Variants in KIF1A observed in about 807,000 individuals in gnomAD.
The protein encoded by KIF1A is kinesin-like protein KIF1A.
In KIF1A, 46 loss-of-function variants were observed where a neutral mutation model predicts 227.3. The observed-to-expected ratio is 0.20, with a 90% CI of 0.16 to 0.26. The LOEUF (loss-of-function observed/expected upper bound fraction) is 0.26, where lower values mean the gene tolerates loss of function less well. KIF1A is among the 10% of genes least tolerant of loss of function. The pLI, the probability that KIF1A is intolerant of heterozygous loss-of-function variation, is 1.00. For synonymous variants in KIF1A, 1,022 were observed against 1,012.8 expected (o/e 1.01, Z -0.17); for missense variants, 1,683 against 2,485.9 (o/e 0.68, Z 6.87).
At position 240,714,619 on chromosome 2, in the gene KIF1A, C is replaced by T. The variant is rs1172250677; in HGVS notation, c.*2745G>A. On this transcript the variant is annotated 3_prime_UTR_variant, in exon 49 of 49. Coordinates refer to ENST00000498729, the MANE Select transcript of KIF1A (RefSeq NM_001244008.2). ...ACCCCATGAGCACCTCCACACCAGC[C>T]CTCCACCTCACAGATGTGGAAACCG... The T allele has an allele frequency of 6.6e-6, 1 of 152,336 alleles. No homozygotes were observed. 9.4% of individuals were successfully genotyped at this position (152,336 alleles called of 1,614,324 possible). A position where few individuals can be genotyped will look rare whatever the true frequency, so the allele number is the denominator to read the frequency against.
rs909200779 is a variant in KIF1A, at chr2:240,778,457, C to T, written c.883-2531G>A. ...ACGGCTCCCCACGGGAGGCCTCACA[C>T]GATCCTCCATTTCTCAGAGCTCTCA... On this transcript the variant is annotated intron_variant, in intron 10 of 48. Coordinates refer to ENST00000498729, the MANE Select transcript of KIF1A (RefSeq NM_001244008.2). This position sits in a 1 kb window ranked among gnomAD's most constrained non-coding sequence, Gnocchi z 7.2. Among the ~76,000 whole-genome samples the T allele has an allele frequency of 9.3e-5, 14 of 151,106 alleles. No individual in the cohort carries two copies. Among genetic ancestry groups the T allele is most frequent in the African/African-American group, 2.9e-4 (12 of 40,862 alleles).
At position 240,722,676 on chromosome 2, in the gene KIF1A, C is replaced by G; in HGVS notation, c.4465-20G>C. On this transcript the variant is annotated intron_variant, in intron 42 of 48. Transcript: ENST00000498729. Reference sequence around the variant, plus strand: ...CTCCACCTTCAGACAGGACACAAGGCCTTACCTGCTGCACCTCAGGGGTGA... The same window carrying G: ...CTCCACCTTCAGACAGGACACAAGGGCTTACCTGCTGCACCTCAGGGGTGA... The G allele has an allele frequency of 6.7e-7, 1 of 1,486,000 alleles. No individual in the cohort carries two copies. Among genetic ancestry groups the G allele is most frequent in the Non-Finnish European group, 9.0e-7 (1 of 1,112,200 alleles). The allele number at this position is 1,486,000 out of a possible 1,614,324, so 92.1% of individuals were successfully genotyped here. A position where few individuals can be genotyped will look rare whatever the true frequency, so the allele number is the denominator to read the frequency against.
intron 27 of KIF1A, among the ~76,000 whole-genome samples, chr2:240,756,712 A>C (rs1265685103): frequency 6.6e-6 from 1 of 152,072 alleles, no homozygotes; most frequent in East Asian, 1.9e-4. Flanking sequence ...GCTGCCTCCC[A>C]CTCCTAAAAG....
intron 2 of KIF1A, among the ~76,000 whole-genome samples, chr2:240,791,296 C>T (rs2055642629): frequency 6.6e-6 from 1 of 152,166 alleles, no homozygotes. Context: ...GCAGCGCCTT[C>T]CCTAGCACAG....
intron 10 of KIF1A, among the ~76,000 whole-genome samples, chr2:240,780,798 CCACACACACACACACA>C (rs534367981): frequency 5.2e-4 from 18 of 34,854 alleles, no homozygotes; most frequent in Admixed American, 9.8e-4. Context: ...ACACACAGCT[CCACACACACACACACA>C]CACACACACA....
rs573357958 is a variant in KIF1A, at chr2:240,717,238, C to G, written c.*126G>C. ...AGGTCCCCGGGCCTGGCATGGGCGTCCCCTGGGGGGTCGACCCGGTCGTGG... is the reference window on the plus strand; with the variant it reads ...AGGTCCCCGGGCCTGGCATGGGCGTGCCCTGGGGGGTCGACCCGGTCGTGG... On this transcript the variant is annotated 3_prime_UTR_variant, in exon 49 of 49. Transcript: ENST00000498729. 1.2e-5 allele frequency: 11 copies of G among 891,312 alleles called. No homozygotes were observed. In the East Asian group the frequency reaches 2.7e-4, roughly 22 times the overall value. The allele number at this position is 891,312 out of a possible 1,614,324, so 55.2% of individuals were successfully genotyped here.
intron 4 of KIF1A, among the ~76,000 whole-genome samples, chr2:240,787,712 G>A (rs76012660): frequency 0.018 from 2,669 of 152,246 alleles, 26 homozygotes; most frequent in Non-Finnish European, 0.026. Flanking sequence ...GGCCACCCCT[G>A]TCCTGAGCAC....
rs2049961586 is a variant in KIF1A, at chr2:240,757,310, C to CT, written c.2858+8dup. ...TCCTCCCCAGCATGCTCTCCTCGAC[C>CT]TCACCAACCTTCCTACTAAACTGAA... On this transcript the variant is annotated intron_variant, in intron 27 of 48. Transcript: ENST00000498729. The surrounding 1 kb of genome is among the most constrained non-coding windows in gnomAD (Gnocchi z 6.2). 6.5e-7 allele frequency: 1 copy of CT among 1,550,218 alleles called. No individual in the cohort carries two copies. Among genetic ancestry groups the CT allele is most frequent in the Non-Finnish European group, 8.7e-7 (1 of 1,146,836 alleles).
chr2:240,781,439 ACACACACACACACACACACAGCTC>A (rs2053956640), intron 10 of KIF1A, among the ~76,000 whole-genome samples: 3 of 39,906 alleles, frequency 7.5e-5, no homozygotes, highest in East Asian at 7.3e-4. Flanking sequence ...CTCCACACAC[ACACACACACACACACACACAGCTC>A]CACACACACA....
chr2:240,724,840 C>T, intron 40 of KIF1A: 1 of 179,888 alleles, frequency 5.6e-6, no homozygotes, highest in Admixed American at 6.1e-5. Flanking sequence ...CTTCCAGCCA[C>T]CGCCCACTTA....
At chr2:240,721,480 G>A (rs946066840) in intron 44 of KIF1A, among the ~76,000 whole-genome samples, 1 of 152,210 alleles carries the variant, frequency 6.6e-6, no homozygotes, top group Admixed American at 6.5e-5. Flanking sequence ...CAGCCAAGTG[G>A]GAGCTTGACT....
intron 25 of KIF1A, among the ~76,000 whole-genome samples, chr2:240,759,397 C>A (rs577504458): frequency 2.2e-4 from 33 of 152,240 alleles, no homozygotes; most frequent in African/African-American, 7.7e-4. Context: ...TTTTCACACA[C>A]CAGGCCAATA....
At position 240,717,229 on chromosome 2, in the gene KIF1A, C is replaced by T; in HGVS notation, c.*135G>A. On this transcript the variant is annotated 3_prime_UTR_variant, in exon 49 of 49. Transcript: ENST00000498729. ...GTGTGGCACAGGTCCCCGGGCCTGG[C>T]ATGGGCGTCCCCTGGGGGGTCGACC... 1 of 772,872 alleles carries T rather than the reference C, an allele frequency of 1.3e-6. No individual in the cohort carries two copies. The highest frequency in any genetic ancestry group is 2.2e-5 in the Admixed American group (1 of 45,566). The allele number at this position is 772,872 out of a possible 1,614,324, so 47.9% of individuals were successfully genotyped here.
At chr2:240,769,597 C>A (rs747122501) in intron 16 of KIF1A, 30 bp downstream of exon 16, 1 of 1,591,230 alleles carries the variant, frequency 6.3e-7, no homozygotes, top group Non-Finnish European at 8.6e-7. Flanking sequence ...TGCACCCCTC[C>A]CCCTGGGCCT....
chr2:240,745,708 C>T (rs371215477), intron 31 of KIF1A, 30 bp downstream of exon 31: 25 of 1,604,462 alleles, frequency 1.6e-5, no homozygotes, highest in Admixed American at 6.8e-5. Flanking sequence ...CCCTGCGCAG[C>T]GCAGGGACAC....
Position 240,741,205 on chromosome 2 carries a change from C to T in KIF1A, c.3749+64G>A, listed in dbSNP as rs560299566. 3.5e-4 allele frequency: 400 copies of T among 1,139,280 alleles called. 3 individuals carry two copies. Among genetic ancestry groups the T allele is most frequent in the South Asian group, 1.2e-3 (90 of 73,218 alleles). The allele number at this position is 1,139,280 out of a possible 1,614,324, so 70.6% of individuals were successfully genotyped here. A position where few individuals can be genotyped will look rare whatever the true frequency, so the allele number is the denominator to read the frequency against. ...GCAACCCTCAGGCAGCTCAAGTCCT[C>T]GTCCCTCTCCGCGCACCCCCCGACA... On this transcript the variant is annotated intron_variant, in intron 35 of 48. Transcript: ENST00000498729.
At chr2:240,722,363 T>A in intron 43 of KIF1A, 93 bp downstream of exon 43, 5 of 1,266,432 alleles carry the variant, frequency 3.9e-6, no homozygotes, top group Non-Finnish European at 5.5e-6. Flanking sequence ...AGAGCAGCCA[T>A]GGGCAAGGCC....
At chr2:240,802,618 T>C (rs905379551) in intron 1 of KIF1A, among the ~76,000 whole-genome samples, 1 of 152,068 alleles carries the variant, frequency 6.6e-6, no homozygotes, top group Non-Finnish European at 1.5e-5. Flanking sequence ...GAGGAGAAAA[T>C]ATATATCGTA....
In KIF1A at chr2:240,758,637, G is replaced by GTCTGT; in HGVS notation, c.2445-141_2445-140insACAGA. ...GCTCAGGGTCATCAAGGTCCAGGGGGCTTGCTAGACAGACCCCCTCTGTGA... is the reference window on the plus strand; with the variant it reads ...GCTCAGGGTCATCAAGGTCCAGGGGGTCTGTCTTGCTAGACAGACCCCCTCTGTGA... On this transcript the variant is annotated intron_variant, in intron 25 of 48. Coordinates refer to ENST00000498729, the MANE Select transcript of KIF1A (RefSeq NM_001244008.2). The surrounding 1 kb of genome is among the most constrained non-coding windows in gnomAD (Gnocchi z 5.2). 1 of 867,602 alleles carries GTCTGT rather than the reference G, an allele frequency of 1.2e-6. No homozygotes were observed. The highest frequency in any genetic ancestry group is 1.6e-6 in the Non-Finnish European group (1 of 617,778). The allele number at this position is 867,602 out of a possible 1,614,324, so 53.7% of individuals were successfully genotyped here.
Sources: allele counts gnomAD v4.1 joint callset (sites outside exome capture counted in the v4.1 genomes callset), GRCh38; gene constraint gnomAD v4.1.1; non-coding constraint Gnocchi (gnomAD v3.1); transcripts MANE v1.5; gene names NCBI Gene and HGNC (gene_info 2026-07-23, HGNC 2026-07-21).